Variants in VTI1A observed in about 807,000 individuals in gnomAD.
VTI1A encodes vesicle transport through interaction with t-SNAREs 1A, also known as vesicle transport through interaction with t-SNAREs homolog 1A.
VTI1A carries 22 observed loss-of-function variants against 34.9 expected under a neutral mutation model. The ratio of observed to expected loss-of-function variants is 0.63; its 90% CI spans 0.45 to 0.90. VTI1A has a LOEUF of 0.90. Ranked by LOEUF, VTI1A falls within the 40% of genes least tolerant of loss-of-function variation. The pLI is 0.00. For synonymous variants in VTI1A, 87 were observed against 97.3 expected (o/e 0.89, Z 0.62); for missense variants, 268 against 275.6 (o/e 0.97, Z 0.20).
chr10:112,692,364 T>G (rs1306535923), intron 7 of VTI1A, among the ~76,000 whole-genome samples: 10 of 152,258 alleles, frequency 6.6e-5, no homozygotes, highest in Non-Finnish European at 1.3e-4. Flanking sequence ...TGGAAGCCTC[T>G]GAATTCCCCA....
chr10:112,634,737 C>T (rs1172497880), intron 5 of VTI1A, among the ~76,000 whole-genome samples: 4 of 152,168 alleles, frequency 2.6e-5, no homozygotes, highest in Non-Finnish European at 4.4e-5. Context: ...TTGACTCTCA[C>T]TCTTCCACAT....
chr10:112,450,161 G>T lies in VTI1A; in HGVS notation c.94+2694G>T, dbSNP rs908890763. ...CCCACTTGGGCCTCCCAAAGTGCTG[G>T]GATTACAGGCGTGAGCCACCGCACC... is the stretch of plus-strand genomic sequence containing the variant. On this transcript the variant is annotated intron_variant, in intron 1 of 7. Coordinates refer to ENST00000393077, the MANE Select transcript of VTI1A (RefSeq NM_145206.4). The T allele has an allele frequency of 3.9e-5, 6 of 152,176 alleles. No individual in the cohort carries two copies. In the East Asian group the frequency reaches 7.7e-4, roughly 20 times the overall value. The allele number at this position is 152,176 out of a possible 1,614,324, so 9.4% of individuals were successfully genotyped here. A position where few individuals can be genotyped will look rare whatever the true frequency, so the allele number is the denominator to read the frequency against.
chr10:112,575,531 A>G (rs11195998), intron 5 of VTI1A, among the ~76,000 whole-genome samples: 8,261 of 152,260 alleles, frequency 0.054, 482 homozygotes, highest in African/African-American at 0.14. Context: ...TGTTTTCAAG[A>G]ATGTTAACGT....
intron 3 of VTI1A, among the ~76,000 whole-genome samples, chr10:112,476,522 G>C (rs1848282498): frequency 6.6e-6 from 1 of 152,162 alleles, no homozygotes; most frequent in Non-Finnish European, 1.5e-5. Flanking sequence ...AAGAAACAGT[G>C]ATGCTGTGGT....
At chr10:112,488,513 G>C (rs1251041488) in intron 3 of VTI1A, among the ~76,000 whole-genome samples, 2 of 152,082 alleles carry the variant, frequency 1.3e-5, no homozygotes, top group Non-Finnish European at 2.9e-5. Context: ...AGACCCAAAG[G>C]TATTATTTAA....
intron 3 of VTI1A, among the ~76,000 whole-genome samples, chr10:112,489,257 A>G (rs1033148387): frequency 2.0e-5 from 3 of 152,176 alleles, no homozygotes; most frequent in African/African-American, 7.2e-5. Context: ...TAAAATTTTT[A>G]TAACTCAGCT....
the VTI1A span, among the ~76,000 whole-genome samples, chr10:112,832,712 T>C: frequency 2.6e-5 from 4 of 152,234 alleles, no homozygotes; most frequent in Non-Finnish European, 5.9e-5. Context: ...TCACTCATTA[T>C]AGGTGAGCGG....
chr10:112,513,592 G>A (rs1001958673), intron 3 of VTI1A, among the ~76,000 whole-genome samples: 3 of 151,966 alleles, frequency 2.0e-5, no homozygotes, highest in Non-Finnish European at 2.9e-5. Context: ...AGGGGTGAGA[G>A]TGGGCATCTT....
At chr10:112,778,274 T>G (rs895267254) in intron 7 of VTI1A, among the ~76,000 whole-genome samples, 6 of 152,162 alleles carry the variant, frequency 3.9e-5, no homozygotes, top group African/African-American at 1.4e-4. Context: ...CCCCATGTTG[T>G]TGAACTGAAG....
chr10:112,561,495 T>C (rs1211407164), intron 5 of VTI1A, among the ~76,000 whole-genome samples: 2 of 152,230 alleles, frequency 1.3e-5, no homozygotes, highest in Non-Finnish European at 2.9e-5. Context: ...CAGTTTTCCA[T>C]TTTATTATAT....
At chr10:112,692,511 A>G (rs1250314558) in intron 7 of VTI1A, among the ~76,000 whole-genome samples, 1 of 152,118 alleles carries the variant, frequency 6.6e-6, no homozygotes, top group African/African-American at 2.4e-5. Context: ...ATTTACCCAC[A>G]CTGACCTACC....
intron 5 of VTI1A, among the ~76,000 whole-genome samples, chr10:112,607,155 T>C (rs866673335): frequency 2.6e-5 from 4 of 151,706 alleles, no homozygotes; most frequent in Non-Finnish European, 5.9e-5. Flanking sequence ...GGCATGGTGG[T>C]GGGCACCTGT....
chr10:112,598,117 C>T lies in VTI1A; in HGVS notation c.427+59787C>T, dbSNP rs1333566041. ...AGTAAATGCTCAAAAAAAATAAAAG[C>T]AGTTTTATCTAGCTTCGTTCTTCAG... On this transcript the variant is annotated intron_variant, in intron 5 of 7. Transcript: ENST00000393077. Among the ~76,000 whole-genome samples, 3 of 152,142 alleles carry T rather than the reference C, an allele frequency of 2.0e-5. No individual in the cohort carries two copies. The East Asian group carries it at 5.8e-4, about 29-fold the overall frequency.
chr10:112,671,150 T>C (rs1464548350), intron 7 of VTI1A, among the ~76,000 whole-genome samples: 1 of 152,228 alleles, frequency 6.6e-6, no homozygotes, highest in Non-Finnish European at 1.5e-5. Context: ...GCAGGGTTTA[T>C]GTACCAAAGC....
At position 112,811,715 on chromosome 10, in the gene VTI1A, G is replaced by A. The variant is rs913603116; in HGVS notation, c.561-3575G>A. Among the ~76,000 whole-genome samples, 7 of 84,094 alleles carry A rather than the reference G, an allele frequency of 8.3e-5. 2 individuals are homozygous for A. The highest frequency in any genetic ancestry group is 2.8e-4 in the Admixed American group (2 of 7,094). The allele number at this position is 84,094 out of a possible 152,430, so 55.2% of individuals were successfully genotyped here. On this transcript the variant is annotated intron_variant, in intron 7 of 7. Transcript: ENST00000393077. ...AAAAAAAAAAAAAAAAAAAAAAAGA[G>A]TGCAGTCCATGCCTGGAAGTAGAGG...
chr10:112,522,935 G>A (rs1850081317), intron 3 of VTI1A, among the ~76,000 whole-genome samples: 1 of 152,040 alleles, frequency 6.6e-6, no homozygotes, highest in African/African-American at 2.4e-5. Context: ...GCACGCCATG[G>A]AAATTAAATT....
intron 5 of VTI1A, among the ~76,000 whole-genome samples, chr10:112,597,450 G>T (rs1052724321): frequency 6.6e-5 from 10 of 152,008 alleles, no homozygotes; most frequent in Admixed American, 3.3e-4. Flanking sequence ...ACTCCCGACC[G>T]CAGGTGATCT....
At chr10:112,456,064 A>G (rs1847513316) in intron 1 of VTI1A, among the ~76,000 whole-genome samples, 1 of 152,118 alleles carries the variant, frequency 6.6e-6, no homozygotes, top group Non-Finnish European at 1.5e-5. Flanking sequence ...TGCTAAATAC[A>G]GAGTTTGGAC....
At chr10:112,461,772 C>T (rs942533496) in intron 2 of VTI1A, among the ~76,000 whole-genome samples, 1 of 152,198 alleles carries the variant, frequency 6.6e-6, no homozygotes, top group African/African-American at 2.4e-5. Context: ...GACTGGAGTA[C>T]AGTGGCACAA....
Sources: gnomAD v4.1 joint callset for allele counts (sites outside exome capture counted in the v4.1 genomes callset) on GRCh38, gnomAD v4.1.1 for gene constraint, MANE v1.5 for transcripts, NCBI Gene and HGNC (gene_info 2026-07-23, HGNC 2026-07-21) for gene names.